Variants in CHFR observed in about 807,000 individuals in gnomAD.
The protein encoded by CHFR is E3 ubiquitin-protein ligase CHFR.
CHFR carries 57 observed loss-of-function variants against 87.6 expected under a neutral mutation model. That is an observed-to-expected ratio of 0.65 (90% confidence interval 0.53 to 0.81). The LOEUF is 0.81. Ranked by LOEUF, CHFR falls within the 30% of genes least tolerant of loss-of-function variation. The pLI, the probability that CHFR is intolerant of heterozygous loss-of-function variation, is 0.00. For missense variants in CHFR, 797 were observed against 865.8 expected (o/e 0.92, Z 1.00); for synonymous variants, 381 against 359.2 (o/e 1.06, Z -0.69).
In CHFR at chr12:132,833,478, G is replaced by A. The variant is rs916491427; in HGVS notation, c.*8076C>T. The A allele has an allele frequency of 6.6e-6, 1 of 152,268 alleles. No homozygotes were observed. The highest frequency in any genetic ancestry group is 2.4e-5 in the African/African-American group (1 of 41,464). 9.4% of individuals were successfully genotyped at this position (152,268 alleles called of 1,614,324 possible). Reference sequence around the variant, plus strand: ...CTGGGGAGGCTCGCTGCTATTTCAGGCCGATGGTTGAGGGAGGACTTCTCA... The same window carrying A: ...CTGGGGAGGCTCGCTGCTATTTCAGACCGATGGTTGAGGGAGGACTTCTCA... On this transcript the variant is annotated 3_prime_UTR_variant, in exon 18 of 18. Coordinates refer to ENST00000450056, the MANE Select transcript of CHFR (RefSeq NM_001161346.2).
At chr12:132,886,238 A>T (rs1951890371) in intron 2 of CHFR, among the ~76,000 whole-genome samples, 1 of 152,088 alleles carries the variant, frequency 6.6e-6, no homozygotes, top group African/African-American at 2.4e-5. Context: ...TTGAACCGGG[A>T]GGCAGAGGGT....
At chr12:132,841,760 AAACT>A (rs1326188262) in intron 17 of CHFR, among the ~76,000 whole-genome samples, 164 bp from the exon 18 acceptor site, 1 of 151,960 alleles carries the variant, frequency 6.6e-6, no homozygotes, top group Non-Finnish European at 1.5e-5. Flanking sequence ...AATATCAAAG[AAACT>A]AACCCCCAAA....
rs1223981564 is a variant in CHFR at position 132,841,090 on chromosome 12, T to C, written c.*464A>G. On this transcript the variant is annotated 3_prime_UTR_variant, in exon 18 of 18. Coordinates refer to ENST00000450056, the MANE Select transcript of CHFR (RefSeq NM_001161346.2). ...AAAATAAAAAATAGATAAAATGCTG[T>C]GGTTTTCCCAGCAGCAGGATATTGT... 3 of 154,474 alleles carry C rather than the reference T, an allele frequency of 1.9e-5. No homozygotes were observed. The highest frequency in any genetic ancestry group is 4.3e-5 in the Non-Finnish European group (3 of 69,406). The allele number at this position is 154,474 out of a possible 1,614,324, so 9.6% of individuals were successfully genotyped here. A position where few individuals can be genotyped will look rare whatever the true frequency, so the allele number is the denominator to read the frequency against.
chr12:132,840,224 C>G lies in CHFR; in HGVS notation c.*1330G>C, dbSNP rs1950685164. On this transcript the variant is annotated 3_prime_UTR_variant, in exon 18 of 18. Transcript: ENST00000450056. ...ACCTGAGCAGGTTTCACAGGAGTCA[C>G]TGAGGGACAGCAGGTGACAGAGTGA... 1 of 152,410 alleles carries G rather than the reference C, an allele frequency of 6.6e-6. No homozygotes were observed. Among genetic ancestry groups the G allele is most frequent in the Non-Finnish European group, 1.5e-5 (1 of 68,124 alleles). The allele number at this position is 152,410 out of a possible 1,614,324, so 9.4% of individuals were successfully genotyped here. A position where few individuals can be genotyped will look rare whatever the true frequency, so the allele number is the denominator to read the frequency against.
chr12:132,842,280 G>A (rs1670732788), intron 17 of CHFR, among the ~76,000 whole-genome samples: 1 of 152,218 alleles, frequency 6.6e-6, no homozygotes, highest in Non-Finnish European at 1.5e-5. Flanking sequence ...CTGTGGGCAA[G>A]GAGGACCAGC....
chr12:132,870,722 AC>A lies in CHFR; in HGVS notation c.403+1del. ...CCACTTCTTTGCTACACTCTTACTT[AC>A]CAAAGGATTCTTGTGTCATGCCTTG... On this transcript the variant is annotated splice_donor_variant, in intron 5 of 17. Transcript: ENST00000450056. LOFTEE classifies it high-confidence loss of function. 3.1e-6 allele frequency: 5 copies of A among 1,601,926 alleles called. No individual in the cohort carries two copies. Among genetic ancestry groups the A allele is most frequent in the Non-Finnish European group, 4.3e-6 (5 of 1,169,062 alleles).
At chr12:132,882,712 T>C (rs1477860558) in intron 2 of CHFR, among the ~76,000 whole-genome samples, 3 of 151,780 alleles carry the variant, frequency 2.0e-5, no homozygotes, top group South Asian at 2.1e-4. Flanking sequence ...TCAGGTTTTT[T>C]TTTTTTTCTT....
At chr12:132,859,029 G>A (rs1391273518) in intron 8 of CHFR, 39 bp downstream of exon 8, 1 of 1,588,726 alleles carries the variant, frequency 6.3e-7, no homozygotes, top group Non-Finnish European at 8.6e-7. Context: ...AGAACCTGCA[G>A]TGCCATGTTC....
rs750119581 is a variant in CHFR, at chr12:132,856,578, G to T, written c.1119C>A (p.Ile373=). 3.7e-6 allele frequency: 6 copies of T among 1,614,034 alleles called. No individual in the cohort carries two copies. The African/African-American group carries it at 8.0e-5, about 22-fold the overall frequency. Residue 373 remains isoleucine, a synonymous_variant, in exon 10 of 18, where the codon ATC becomes ATA. Coordinates refer to ENST00000450056, the MANE Select transcript of CHFR (RefSeq NM_001161346.2). The part of the protein sequence containing the change: ...DVQSMDARNK[I]TQDMLQPKVR... ...CTTTGGGCTGCAGCATGTCTTGAGTGATTTTATTTCTGGCATCCATACTTT... is the reference window on the plus strand; with the variant it reads ...CTTTGGGCTGCAGCATGTCTTGAGTTATTTTATTTCTGGCATCCATACTTT...
At chr12:132,848,483 A>G in intron 13 of CHFR, 158 bp downstream of exon 13, 1 of 692,486 alleles carries the variant, frequency 1.4e-6, no homozygotes, top group Non-Finnish European at 2.5e-6. Context: ...AATTTGACAC[A>G]CCTCTGCAGT....
At position 132,836,914 on chromosome 12, in the gene CHFR, C is replaced by T; in HGVS notation, c.*4640G>A. The T allele has an allele frequency of 5.4e-6, 2 of 373,058 alleles. No homozygotes were observed. The highest frequency in any genetic ancestry group is 1.1e-5 in the Non-Finnish European group (2 of 188,738). The allele number at this position is 373,058 out of a possible 1,614,324, so 23.1% of individuals were successfully genotyped here. On this transcript the variant is annotated 3_prime_UTR_variant, in exon 18 of 18. Coordinates refer to ENST00000450056, the MANE Select transcript of CHFR (RefSeq NM_001161346.2). Reference sequence around the variant, plus strand: ...CAACAGTGGGCAGACAGGCAAGATCCCTGCTCTATTTTTTTGAGAGGGGGA... The same window carrying T: ...CAACAGTGGGCAGACAGGCAAGATCTCTGCTCTATTTTTTTGAGAGGGGGA...
chr12:132,856,006 G>A (rs1951060886), intron 10 of CHFR, among the ~76,000 whole-genome samples: 1 of 152,152 alleles, frequency 6.6e-6, no homozygotes, highest in Non-Finnish European at 1.5e-5. Context: ...TGCCTCTTCT[G>A]TAATAACGTC....
At position 132,857,518 on chromosome 12, in the gene CHFR, G is replaced by A. The variant is rs762287710; in HGVS notation, c.953C>T (p.Ser318Leu). ...CMHTFCAACY[S>L]GWMERSSLCP... Reference sequence around the variant, plus strand: ...CAGGGACGAGCGCTCCATCCAGCCCGAGTAGCAAGCCGCGCAGAACGTGTG... The same window carrying A: ...CAGGGACGAGCGCTCCATCCAGCCCAAGTAGCAAGCCGCGCAGAACGTGTG... The change falls in exon 9 of 18, where the codon TCG becomes TTG. Residue 318 changes from serine (S) to leucine (L), a missense_variant. Coordinates refer to ENST00000450056, the MANE Select transcript of CHFR (RefSeq NM_001161346.2). 8.7e-6 allele frequency: 14 copies of A among 1,614,044 alleles called. No individual in the cohort carries two copies. The East Asian group carries it at 1.1e-4, about 13-fold the overall frequency.
At position 132,861,605 on chromosome 12, in the gene CHFR, C is replaced by G; in HGVS notation, c.613G>C (p.Gly205Arg). 6.2e-7 allele frequency: 1 copy of G among 1,614,156 alleles called. No homozygotes were observed. The highest frequency in any genetic ancestry group is 1.1e-5 in the South Asian group (1 of 91,078). ...GSGGGGISPK[G>R]SGPSVASDEV... ...TCACTTGCCACAGAGGGACCACTTC[C>G]TTTAGGGGAGATGCCACCACCCCCA... The change falls in exon 7 of 18, where the codon GGA (glycine) becomes CGA (arginine). Residue 205 changes from glycine to arginine, a missense_variant. By Grantham distance (125) the Gly-to-Arg change is moderately radical. This residue lies in a region of CHFR where 597 missense variants were observed against 601.2 expected (regional missense o/e 0.99). Transcript: ENST00000450056.
chr12:132,856,715 G>T, intron 9 of CHFR, 85 bp from the exon 10 acceptor site: 7 of 1,431,934 alleles, frequency 4.9e-6, no homozygotes, highest in Non-Finnish European at 5.9e-6. Flanking sequence ...GCTCGCGTGC[G>T]CAGTGCTGCG....
intron 7 of CHFR, among the ~76,000 whole-genome samples, chr12:132,859,967 C>T (rs1182473081): frequency 6.6e-6 from 1 of 152,124 alleles, no homozygotes; most frequent in Non-Finnish European, 1.5e-5. Flanking sequence ...ACAGTCTGAG[C>T]CCAGGAGGTG....
chr12:132,847,425 C>T, intron 14 of CHFR: 1 of 1,174,336 alleles, frequency 8.5e-7, no homozygotes, highest in Non-Finnish European at 1.1e-6. Flanking sequence ...AGCCAGGCCA[C>T]AGTGCACACA....
intron 2 of CHFR, among the ~76,000 whole-genome samples, chr12:132,886,198 G>T (rs1046449232): frequency 6.6e-6 from 1 of 152,116 alleles, no homozygotes; most frequent in Admixed American, 6.5e-5. Flanking sequence ...TGTAGTCCCA[G>T]CTACTCCGAG....
Position 132,833,628 on chromosome 12 carries a change from G to C in CHFR, c.*7926C>G, listed in dbSNP as rs1383572440. On this transcript the variant is annotated 3_prime_UTR_variant, in exon 18 of 18. Transcript: ENST00000450056. ...GAACTCAGGAGTTCAAGACCAGCCT[G>C]GGCAACATGGTGAAACCCTGCTCTC... The C allele has an allele frequency of 6.6e-6, 1 of 152,238 alleles. No homozygotes were observed. The highest frequency in any genetic ancestry group is 6.5e-5 in the Admixed American group (1 of 15,274). The allele number at this position is 152,238 out of a possible 1,614,324, so 9.4% of individuals were successfully genotyped here.
Sources: allele counts gnomAD v4.1 joint callset (sites outside exome capture counted in the v4.1 genomes callset), GRCh38; gene constraint gnomAD v4.1.1; regional missense constraint gnomAD v4.1.1; transcripts MANE v1.5; gene names NCBI Gene and HGNC (gene_info 2026-07-23, HGNC 2026-07-21).